AADAT: variants seen among roughly 807,000 people sequenced by gnomAD.
The protein encoded by AADAT is aminoadipate aminotransferase, also known as kynurenine/alpha-aminoadipate aminotransferase, mitochondrial.
A neutral mutation model predicts 56.2 loss-of-function variants in AADAT; 25 were observed. The observed-to-expected ratio is 0.44, with a 90% CI of 0.32 to 0.62. The LOEUF (loss-of-function observed/expected upper bound fraction) is 0.62. AADAT is among the 20% of genes least tolerant of loss of function. AADAT has a pLI of 0.04. For synonymous variants in AADAT, 173 were observed against 164.7 expected (o/e 1.05, Z -0.39); for missense variants, 387 against 510.5 (o/e 0.76, Z 2.33).
chr4:170,064,556 C>T (rs931241979), intron 11 of AADAT, among the ~76,000 whole-genome samples, 163 bp downstream of exon 11: 1 of 152,194 alleles, frequency 6.6e-6, no homozygotes, highest in Admixed American at 6.5e-5. Context: ...AACCCAAAAA[C>T]CTCTTACGAT....
rs138181320 is a variant in AADAT, at chr4:170,067,995, C to T, written c.900+596G>A. The stretch of plus-strand genomic sequence containing the variant: ...CTCTACTAAAAATACAAAAATTAGC[C>T]GGGCATAGTGACGTGTGCCTGTAAT... On this transcript the variant is annotated intron_variant, in intron 8 of 12. Coordinates refer to ENST00000337664, the MANE Select transcript of AADAT (RefSeq NM_016228.4). Among the ~76,000 whole-genome samples, 90 of 151,846 alleles carry T rather than the reference C, an allele frequency of 5.9e-4. 1 individual carries two copies. In the East Asian group the frequency reaches 0.014, roughly 24 times the overall value.
Position 170,089,748 on chromosome 4 carries a change from A to G in AADAT, c.-58T>C, listed in dbSNP as rs897796339. On this transcript the variant is annotated 5_prime_UTR_variant, in exon 1 of 13. Transcript: ENST00000337664. ...TCAGTGGTTGAGGACTAGAAAAACC[A>G]AAGAGCCTCGTCAAGTCCTGCCTGC... is the stretch of plus-strand genomic sequence containing the variant. The G allele has an allele frequency of 3.2e-5, 50 of 1,578,098 alleles. No homozygotes were observed. The highest frequency in any genetic ancestry group is 2.0e-4 in the Admixed American group (12 of 59,286).
At chr4:170,066,206 T>C (rs1380042392) in intron 10 of AADAT, among the ~76,000 whole-genome samples, 1 of 152,178 alleles carries the variant, frequency 6.6e-6, no homozygotes, top group Non-Finnish European at 1.5e-5. Context: ...ACAAATTCTT[T>C]GCAGCAGACA....
At chr4:170,087,080 T>G in intron 3 of AADAT, 36 bp downstream of exon 3, 6 of 1,612,054 alleles carry the variant, frequency 3.7e-6, no homozygotes, top group Non-Finnish European at 5.1e-6. Context: ...ATGCTTCCAA[T>G]TCTACATTTT....
At chr4:170,070,212 C>T (rs902419331) in intron 6 of AADAT, among the ~76,000 whole-genome samples, 14 of 151,892 alleles carry the variant, frequency 9.2e-5, no homozygotes, top group African/African-American at 2.7e-4. Context: ...ACACAGAAGT[C>T]AACGGCCAAA....
Position 170,068,590 on chromosome 4 carries a change from C to A in AADAT, c.900+1G>T, listed in dbSNP as rs1213847230. On this transcript the variant is annotated splice_donor_variant, in intron 8 of 12. Transcript: ENST00000337664. LOFTEE classifies it high-confidence loss of function. ...AAATCGATTTCCTAAATTGTCCTTA[C>A]CTGGTTAAAAGTGCTGGGGTGCAAT... 11 of 1,586,640 alleles carry A rather than the reference C, an allele frequency of 6.9e-6. No homozygotes were observed. Among genetic ancestry groups the A allele is most frequent in the East Asian group, 2.3e-5 (1 of 44,374 alleles).
At chr4:170,080,857 GAATA>G (rs1305506519) in intron 3 of AADAT, among the ~76,000 whole-genome samples, 2 of 151,968 alleles carry the variant, frequency 1.3e-5, no homozygotes, top group Admixed American at 6.6e-5. Flanking sequence ...AACAAAACTA[GAATA>G]AATAACTAAT....
At chr4:170,067,298 C>A in intron 9 of AADAT, 29 bp downstream of exon 9, 1 of 1,573,164 alleles carries the variant, frequency 6.4e-7, no homozygotes, top group Non-Finnish European at 8.7e-7. Flanking sequence ...CTGTTTTGTT[C>A]ATAAATATTT....
At chr4:170,078,769 A>G (rs1367441556) in intron 3 of AADAT, among the ~76,000 whole-genome samples, 186 bp from the exon 4 acceptor site, 1 of 151,986 alleles carries the variant, frequency 6.6e-6, no homozygotes, top group Non-Finnish European at 1.5e-5. Context: ...CCCTGCAACT[A>G]CTCTGCCTCT....
upstream of AADAT, among the ~76,000 whole-genome samples, chr4:170,091,200 C>A (rs1732812140): frequency 6.6e-6 from 1 of 152,168 alleles, no homozygotes. Context: ...AGGCCGGAGC[C>A]GGCTCCCTCA....
rs1220589433 is a variant in AADAT at position 170,088,492 on chromosome 4, G to C, written c.140C>G (p.Pro47Arg). The change falls in exon 2 of 13, where the codon CCT becomes CGT. Residue 47 changes from proline (P) to arginine (R), a missense_variant. Pro to Arg is a moderately radical substitution (Grantham distance 103). Transcript: ENST00000337664. ...TACAGTGATTACGGCAGTCTTAAAAGGAAACATGTTTGGATTTGGTAAGCC... is the reference window on the plus strand; with the variant it reads ...TACAGTGATTACGGCAGTCTTAAAACGAAACATGTTTGGATTTGGTAAGCC... Reference protein sequence around the residue: ...AGGLPNPNMFPFKTAVITVEN... With the variant: ...AGGLPNPNMFRFKTAVITVEN... 6.2e-7 allele frequency: 1 copy of C among 1,613,802 alleles called. No individual in the cohort carries two copies. The highest frequency in any genetic ancestry group is 1.3e-5 in the African/African-American group (1 of 75,040).
chr4:170,073,385 C>A, intron 4 of AADAT, 40 bp from the exon 5 acceptor site: 2 of 1,525,046 alleles, frequency 1.3e-6, no homozygotes, highest in Non-Finnish European at 8.9e-7. Context: ...GTCATGATTA[C>A]AAATGTAAGT....
chr4:170,092,828 A>G (rs1263712637), upstream of AADAT, among the ~76,000 whole-genome samples: 1 of 151,950 alleles, frequency 6.6e-6, no homozygotes, highest in African/African-American at 2.4e-5. Context: ...TGTTAGTAAC[A>G]TGCATTTAAG....
upstream of AADAT, among the ~76,000 whole-genome samples, chr4:170,092,314 C>G (rs977800059): frequency 6.6e-6 from 1 of 152,202 alleles, no homozygotes; most frequent in Admixed American, 6.5e-5. Flanking sequence ...CTCCTGAGGC[C>G]GTGGAGACCA....
chr4:170,070,973 C>T (rs923739724), intron 5 of AADAT, among the ~76,000 whole-genome samples: 9 of 152,254 alleles, frequency 5.9e-5, no homozygotes, highest in Admixed American at 2.0e-4. Context: ...AGTGCAGTGG[C>T]GCGATCTTGG....
In AADAT at chr4:170,089,740, G is replaced by C. The variant is rs1478222226; in HGVS notation, c.-50C>G. On this transcript the variant is annotated 5_prime_UTR_variant, in exon 1 of 13. Coordinates refer to ENST00000337664, the MANE Select transcript of AADAT (RefSeq NM_016228.4). ...CTTCTTCTTCAGTGGTTGAGGACTAGAAAAACCAAAGAGCCTCGTCAAGTC... is the reference window on the plus strand; with the variant it reads ...CTTCTTCTTCAGTGGTTGAGGACTACAAAAACCAAAGAGCCTCGTCAAGTC... 1.3e-6 allele frequency: 2 copies of C among 1,598,266 alleles called. No homozygotes were observed. The highest frequency in any genetic ancestry group is 1.3e-5 in the African/African-American group (1 of 74,614).
At chr4:170,085,852 T>C (rs1431750938) in intron 3 of AADAT, among the ~76,000 whole-genome samples, 2 of 152,134 alleles carry the variant, frequency 1.3e-5, no homozygotes, top group African/African-American at 2.4e-5. Context: ...TTAATTAAAA[T>C]TCATTAAAGC....
intron 7 of AADAT, 77 bp downstream of exon 7, chr4:170,069,071 G>C (rs1210642341): frequency 3.9e-6 from 5 of 1,269,620 alleles, no homozygotes; most frequent in Non-Finnish European, 5.5e-6. Flanking sequence ...GAAAAAAATT[G>C]TCTAGACTAA....
chr4:170,088,177 C>T (rs1039099785), intron 2 of AADAT, among the ~76,000 whole-genome samples: 2 of 151,684 alleles, frequency 1.3e-5, no homozygotes, highest in Admixed American at 1.3e-4. Context: ...CTTAATTATC[C>T]TTTGAAAACC....
Sources: gnomAD v4.1 joint callset for allele counts (sites outside exome capture counted in the v4.1 genomes callset) on GRCh38, gnomAD v4.1.1 for gene constraint, MANE v1.5 for transcripts, NCBI Gene and HGNC (gene_info 2026-07-23, HGNC 2026-07-21) for gene names.